QTMAN: variants seen among roughly 807,000 people sequenced by gnomAD.
The protein encoded by QTMAN is queuosine-tRNA mannosyltransferase, also known as tRNA-queuosine alpha-mannosyltransferase.
chr2:144,255,660 A>G, the QTMAN span, among the ~76,000 whole-genome samples: 11 of 152,254 alleles, frequency 7.2e-5, no homozygotes, highest in Non-Finnish European at 1.5e-4. Flanking sequence ...AAGTATACAG[A>G]CAGGATCAGT....
the QTMAN span, among the ~76,000 whole-genome samples, chr2:144,154,652 A>C: frequency 6.6e-6 from 1 of 152,240 alleles, no homozygotes. Flanking sequence ...TTTGTTAAAA[A>C]TGTGGGATCT....
At chr2:144,250,232 C>G in the QTMAN span, among the ~76,000 whole-genome samples, 1 of 151,956 alleles carries the variant, frequency 6.6e-6, no homozygotes, top group South Asian at 2.1e-4. Flanking sequence ...CAGCCTCCAC[C>G]TCCCAGGTTC....
the QTMAN span, among the ~76,000 whole-genome samples, chr2:144,272,197 G>A: frequency 6.6e-6 from 1 of 151,620 alleles, no homozygotes; most frequent in Non-Finnish European, 1.5e-5. Context: ...CACAATAGGG[G>A]GAAAAAAACA....
At chr2:143,959,334 A>C in the QTMAN span, among the ~76,000 whole-genome samples, 7 of 152,190 alleles carry the variant, frequency 4.6e-5, no homozygotes, top group Non-Finnish European at 7.4e-5. Context: ...TGTGGAAAAA[A>C]AAAACACTTG....
At chr2:144,045,108 A>G in the QTMAN span, among the ~76,000 whole-genome samples, 1 of 152,244 alleles carries the variant, frequency 6.6e-6, no homozygotes, top group African/African-American at 2.4e-5. Flanking sequence ...GAGGGGCACA[A>G]CCCACAAATG....
At chr2:144,218,933 A>G in the QTMAN span, among the ~76,000 whole-genome samples, 5 of 151,416 alleles carry the variant, frequency 3.3e-5, no homozygotes, top group African/African-American at 1.2e-4. Context: ...AAAAAAAAAA[A>G]AAAAGCAAAA....
the QTMAN span, among the ~76,000 whole-genome samples, chr2:144,037,671 T>A: frequency 1.4e-3 from 209 of 152,356 alleles, no homozygotes; most frequent in African/African-American, 4.9e-3. Flanking sequence ...ATCTTTCAGA[T>A]AATTATCTCA....
the QTMAN span, among the ~76,000 whole-genome samples, chr2:144,068,133 A>G: frequency 6.6e-6 from 1 of 152,222 alleles, no homozygotes; most frequent in African/African-American, 2.4e-5. Flanking sequence ...ACATACACAC[A>G]TACACACACA....
At chr2:144,082,308 G>C in the QTMAN span, among the ~76,000 whole-genome samples, 3 of 152,320 alleles carry the variant, frequency 2.0e-5, no homozygotes, top group East Asian at 3.9e-4. Flanking sequence ...CTCAGTGCTC[G>C]TGTGGATGCA....
the QTMAN span, among the ~76,000 whole-genome samples, chr2:144,043,049 C>T: frequency 6.6e-6 from 1 of 152,162 alleles, no homozygotes; most frequent in Non-Finnish European, 1.5e-5. Context: ...AGCCTTCTTA[C>T]ATCACCTGAG....
At chr2:144,222,489 T>C in the QTMAN span, among the ~76,000 whole-genome samples, 52 of 152,232 alleles carry the variant, frequency 3.4e-4, no homozygotes, top group South Asian at 1.7e-3. Context: ...AGTTGCACAC[T>C]TAATTTCTGA....
chr2:144,189,065 G>A, the QTMAN span, among the ~76,000 whole-genome samples: 6 of 152,170 alleles, frequency 3.9e-5, no homozygotes, highest in African/African-American at 1.4e-4. Flanking sequence ...ACTATTATTT[G>A]TACTAGGCCC....
chr2:144,083,227 G>A, the QTMAN span, among the ~76,000 whole-genome samples: 39 of 152,284 alleles, frequency 2.6e-4, no homozygotes, highest in African/African-American at 9.1e-4. Flanking sequence ...AAAAGGCCAC[G>A]CAGCTTCCAT....
the QTMAN span, among the ~76,000 whole-genome samples, chr2:144,218,543 C>G: frequency 5.9e-5 from 9 of 152,090 alleles, no homozygotes; most frequent in African/African-American, 2.2e-4. Context: ...AATATACACA[C>G]CAAATGAGTT....
the QTMAN span, among the ~76,000 whole-genome samples, chr2:143,977,425 C>G: frequency 6.2e-4 from 95 of 152,252 alleles, no homozygotes; most frequent in South Asian, 4.8e-3. Flanking sequence ...CAGAGGAGAA[C>G]AGAGCTCTGA....
At chr2:144,328,620 T>C in the QTMAN span, among the ~76,000 whole-genome samples, 1 of 152,266 alleles carries the variant, frequency 6.6e-6, no homozygotes, top group South Asian at 2.1e-4. Flanking sequence ...TCGGTCTGAA[T>C]AGAAGAAACT....
the QTMAN span, among the ~76,000 whole-genome samples, chr2:144,172,340 G>T: frequency 6.6e-6 from 1 of 151,890 alleles, no homozygotes; most frequent in African/African-American, 2.4e-5. Flanking sequence ...TTTCTTAAGG[G>T]CCAGGCACGG....
the QTMAN span, among the ~76,000 whole-genome samples, chr2:143,989,694 C>T: frequency 1.2e-4 from 18 of 152,224 alleles, no homozygotes; most frequent in South Asian, 4.2e-4. Flanking sequence ...CATACACACA[C>T]GTACACATAT....
the QTMAN span, among the ~76,000 whole-genome samples, chr2:144,268,746 CTATGT>C: frequency 4.6e-5 from 7 of 152,148 alleles, no homozygotes; most frequent in Non-Finnish European, 1.0e-4. Context: ...AATAACATTG[CTATGT>C]TATAATTATT....
Sources: allele counts gnomAD v4.1 joint callset (sites outside exome capture counted in the v4.1 genomes callset), GRCh38; gene constraint gnomAD v4.1.1; transcripts MANE v1.5; gene names NCBI Gene and HGNC (gene_info 2026-07-23, HGNC 2026-07-21).